Variants in FOXP1 observed in about 807,000 individuals in gnomAD.
FOXP1 encodes forkhead box P1.
A neutral mutation model predicts 98.2 loss-of-function variants in FOXP1; 15 were observed. The ratio of observed to expected loss-of-function variants is 0.15; its 90% confidence interval spans 0.10 to 0.24. FOXP1 has a LOEUF of 0.24. Among genes scored for constraint, FOXP1 ranks in the 10% least tolerant of loss-of-function variants. FOXP1 has a pLI of 1.00. For missense variants in FOXP1, 633 were observed against 848.5 expected, an observed-to-expected ratio of 0.75 and a Z score of 3.15; for synonymous variants, 371 against 314.5, an observed-to-expected ratio of 1.18 and a Z score of -1.90.
At chr3:70,981,635 G>T (rs1468099361) in intron 14 of FOXP1, among the ~76,000 whole-genome samples, 1 of 152,158 alleles carries the variant, frequency 6.6e-6, no homozygotes, top group Non-Finnish European at 1.5e-5. Flanking sequence ...TGGCTATGAG[G>T]TAAACTAATT....
chr3:71,490,010 G>A (rs1345285577), intron 3 of FOXP1, among the ~76,000 whole-genome samples: 3 of 152,188 alleles, frequency 2.0e-5, no homozygotes, highest in Non-Finnish European at 4.4e-5. Context: ...ACTCCAAATT[G>A]TCAGCTGTAA....
intron 11 of FOXP1, chr3:71,040,415 A>G (rs1304062661): frequency 6.6e-6 from 1 of 152,178 alleles, no homozygotes; most frequent in East Asian, 1.9e-4. Context: ...TATGAAATAT[A>G]TAGAAAACAG....
At chr3:71,483,040 A>C (rs1001457724) in intron 3 of FOXP1, among the ~76,000 whole-genome samples, 2 of 151,400 alleles carry the variant, frequency 1.3e-5, no homozygotes, top group African/African-American at 4.9e-5. Context: ...GGGTCTCACT[A>C]TGTTGCCCAG....
At chr3:71,213,445 A>C (rs34578404) in intron 5 of FOXP1, among the ~76,000 whole-genome samples, 1,970 of 152,350 alleles carry the variant, frequency 0.013, 44 homozygotes, top group African/African-American at 0.045. Flanking sequence ...TATCTGAAAG[A>C]GTTTTTTCAA....
chr3:71,169,785 A>G lies in FOXP1; in HGVS notation c.180+28417T>C, dbSNP rs1395275287. Among the ~76,000 whole-genome samples, 321 of 132,920 alleles carry G rather than the reference A, an allele frequency of 2.4e-3. 3 individuals carry two copies. The highest frequency in any genetic ancestry group is 0.01 in the African/African-American group (311 of 30,766). The allele number at this position is 132,920 out of a possible 152,430, so 87.2% of individuals were successfully genotyped here. ...ATTACTGGCTAAAAAATTACTGGCA[A>G]AAAAAAAAAAAAAAGATTTTTTGCT... On this transcript the variant is annotated intron_variant, in intron 6 of 20. Transcript: ENST00000649528.
At chr3:71,406,829 A>ATTTT (rs2082380055) in intron 3 of FOXP1, among the ~76,000 whole-genome samples, 1 of 152,068 alleles carries the variant, frequency 6.6e-6, no homozygotes, top group South Asian at 2.1e-4. Flanking sequence ...ATAACGTGAA[A>ATTTT]GTGGGTCTCA....
intron 3 of FOXP1, among the ~76,000 whole-genome samples, chr3:71,362,457 C>A (rs1286770841): frequency 1.3e-5 from 2 of 152,146 alleles, no homozygotes; most frequent in Non-Finnish European, 2.9e-5. Flanking sequence ...AGGCGTGAGC[C>A]ACCGCGCCCA....
At chr3:71,162,708 T>A (rs922645748) in intron 6 of FOXP1, among the ~76,000 whole-genome samples, 3 of 152,190 alleles carry the variant, frequency 2.0e-5, no homozygotes, top group Non-Finnish European at 4.4e-5. Context: ...CTTGCCAACA[T>A]GTGGAAAAAG....
At chr3:71,020,783 T>C (rs1576220422) in intron 11 of FOXP1, among the ~76,000 whole-genome samples, 1 of 152,336 alleles carries the variant, frequency 6.6e-6, no homozygotes, top group East Asian at 1.9e-4. Context: ...TTAATTTTTC[T>C]TCCCTTTTCC....
chr3:71,497,932 T>C (rs934650081), intron 2 of FOXP1, among the ~76,000 whole-genome samples: 2 of 152,198 alleles, frequency 1.3e-5, no homozygotes, highest in Non-Finnish European at 2.9e-5. Context: ...ACATTAATTG[T>C]GCCATATTCA....
chr3:71,504,151 A>C (rs1270966072), intron 2 of FOXP1, among the ~76,000 whole-genome samples: 1 of 152,174 alleles, frequency 6.6e-6, no homozygotes, highest in East Asian at 1.9e-4. Flanking sequence ...TTTGAACAAT[A>C]CTATGTCATA....
At chr3:71,539,238 A>G (rs1578085068) in intron 2 of FOXP1, among the ~76,000 whole-genome samples, 1 of 148,006 alleles carries the variant, frequency 6.8e-6, no homozygotes, top group African/African-American at 2.5e-5. Flanking sequence ...CAGCCTCCCT[A>G]GTAGCTGGGA....
chr3:71,444,218 C>T (rs747984163), intron 3 of FOXP1, among the ~76,000 whole-genome samples: 5 of 152,158 alleles, frequency 3.3e-5, no homozygotes, highest in Admixed American at 6.5e-5. Context: ...ATTTTTGCTG[C>T]GCCTGAACAC....
chr3:71,203,004 A>G (rs541796991), intron 5 of FOXP1, among the ~76,000 whole-genome samples: 1 of 152,150 alleles, frequency 6.6e-6, no homozygotes, highest in Non-Finnish European at 1.5e-5. Context: ...AACTAACTCT[A>G]TAACTAACTA....
At chr3:71,164,269 G>A (rs911504991) in intron 6 of FOXP1, among the ~76,000 whole-genome samples, 3 of 151,722 alleles carry the variant, frequency 2.0e-5, no homozygotes, top group South Asian at 2.1e-4. Flanking sequence ...GCGCAATCTC[G>A]GCTCACTGCA....
chr3:71,277,829 A>G (rs915609345), intron 5 of FOXP1, among the ~76,000 whole-genome samples: 2 of 151,972 alleles, frequency 1.3e-5, no homozygotes, highest in African/African-American at 4.8e-5. Context: ...AATTAATTAA[A>G]TTTTTTTAGG....
intron 9 of FOXP1, among the ~76,000 whole-genome samples, chr3:71,049,366 G>A (rs1334371132): frequency 6.6e-6 from 1 of 152,102 alleles, no homozygotes. Flanking sequence ...AATGAATTCT[G>A]CTGTCTATTT....
At chr3:71,227,655 G>T (rs988300500) in intron 5 of FOXP1, among the ~76,000 whole-genome samples, 1 of 151,424 alleles carries the variant, frequency 6.6e-6, no homozygotes, top group East Asian at 1.9e-4. Flanking sequence ...TCTCTTACAG[G>T]TCTTTCTCAG....
At position 71,183,551 on chromosome 3, in the gene FOXP1, A is replaced by G. The variant is rs1560078912; in HGVS notation, c.180+14651T>C. Among the ~76,000 whole-genome samples, 3 of 152,212 alleles carry G rather than the reference A, an allele frequency of 2.0e-5. No individual in the cohort carries two copies. The South Asian group carries it at 6.2e-4, about 32-fold the overall frequency. On this transcript the variant is annotated intron_variant, in intron 6 of 20. Transcript: ENST00000649528. ...AAAAGCTAATGTTTGCAGACAATTT[A>G]CCATGTGGTGTGCAAACTTCCAAGC...
Sources: allele counts gnomAD v4.1 joint callset (sites outside exome capture counted in the v4.1 genomes callset), GRCh38; gene constraint gnomAD v4.1.1; transcripts MANE v1.5; gene names NCBI Gene and HGNC (gene_info 2026-07-23, HGNC 2026-07-21).